Variants in UBE3B observed in about 807,000 individuals in gnomAD.
UBE3B encodes ubiquitin-protein ligase E3B.
Under a neutral mutation model 132.3 loss-of-function variants are expected in UBE3B, and 80 were observed. The ratio of observed to expected loss-of-function variants is 0.60; its 90% CI spans 0.50 to 0.73. The LOEUF (loss-of-function observed/expected upper bound fraction) is 0.73, where lower values mean the gene tolerates loss of function less well. Ranked by LOEUF, UBE3B falls within the 30% of genes least tolerant of loss-of-function variation. UBE3B has a pLI of 0.00. For missense variants in UBE3B, 1,196 were observed against 1,362.5 expected (o/e 0.88, Z 1.92); for synonymous variants, 487 against 520.4 (o/e 0.94, Z 0.87).
chr12:109,479,665 G>A (rs996837963), intron 1 of UBE3B, among the ~76,000 whole-genome samples: 7 of 152,088 alleles, frequency 4.6e-5, no homozygotes, highest in African/African-American at 9.7e-5. Context: ...AGGTGGAGAA[G>A]GTATATAGGA....
intron 26 of UBE3B, among the ~76,000 whole-genome samples, chr12:109,532,907 G>A (rs531687391): frequency 3.9e-5 from 6 of 152,372 alleles, no homozygotes; most frequent in African/African-American, 1.4e-4. Flanking sequence ...CAGGCCCAGG[G>A]CTCAGGTGAC....
At position 109,529,996 on chromosome 12, in the gene UBE3B, A is replaced by G; in HGVS notation, c.2734A>G (p.Ile912Val). ...GFRSIIKPEW[I>V]RMFSTPELQR... ...CCGTTCCATTATCAAACCCGAGTGG[A>G]TCCGAATGTTCTCAACTCCTGAACT... is the stretch of plus-strand genomic sequence containing the variant. The change falls in exon 25 of 28, where the codon ATC becomes GTC. Residue 912 changes from isoleucine (I) to valine (V), a missense_variant. Physicochemically the swap from Ile to Val is conservative, Grantham distance 29 (BLOSUM62 3). Transcript: ENST00000342494. 1 of 1,614,034 alleles carries G rather than the reference A, an allele frequency of 6.2e-7. No individual in the cohort carries two copies. Among genetic ancestry groups the G allele is most frequent in the Non-Finnish European group, 8.5e-7 (1 of 1,180,012 alleles).
chr12:109,534,660 C>T lies in UBE3B; in HGVS notation c.3085C>T (p.Arg1029Cys), dbSNP rs750656809. ...FTIRKREPGG[R>C]LPTSSTCFNL... Reference sequence around the variant, plus strand: ...CATCCGCAAGCGGGAGCCAGGCGGCCGCCTGCCCACCTCCTCCACCTGCTT... The same window carrying T: ...CATCCGCAAGCGGGAGCCAGGCGGCTGCCTGCCCACCTCCTCCACCTGCTT... The change falls in exon 28 of 28, where the codon CGC becomes TGC. Residue 1029 changes from arginine to cysteine, a missense_variant. Coordinates refer to ENST00000342494, the MANE Select transcript of UBE3B (RefSeq NM_130466.4). The surrounding 1 kb of genome is among the most constrained non-coding windows in gnomAD (Gnocchi z 5.2). 6.8e-6 allele frequency: 11 copies of T among 1,611,674 alleles called. No individual in the cohort carries two copies. Among genetic ancestry groups the T allele is most frequent in the Admixed American group, 3.4e-5 (2 of 59,588 alleles).
intron 14 of UBE3B, among the ~76,000 whole-genome samples, chr12:109,504,491 G>A (rs1022658550): frequency 6.6e-6 from 1 of 152,198 alleles, no homozygotes; most frequent in African/African-American, 2.4e-5. Context: ...CAGGTTGTTG[G>A]CCCAACCACC....
At chr12:109,533,847 C>A in intron 27 of UBE3B, 1 of 1,176,654 alleles carries the variant, frequency 8.5e-7, no homozygotes, top group Non-Finnish European at 1.2e-6. Context: ...TGGCGTCTGG[C>A]CTCACCAGGG....
Position 109,534,507 on chromosome 12 carries a change from C to A in UBE3B, c.3016-84C>A. The A allele has an allele frequency of 6.6e-7, 1 of 1,522,542 alleles. No homozygotes were observed. The highest frequency in any genetic ancestry group is 8.8e-7 in the Non-Finnish European group (1 of 1,136,366). 94.3% of individuals were successfully genotyped at this position (1,522,542 alleles called of 1,614,324 possible). A position where few individuals can be genotyped will look rare whatever the true frequency, so the allele number is the denominator to read the frequency against. On this transcript the variant is annotated intron_variant, in intron 27 of 27. Coordinates refer to ENST00000342494, the MANE Select transcript of UBE3B (RefSeq NM_130466.4). The surrounding 1 kb of genome is among the most constrained non-coding windows in gnomAD (Gnocchi z 5.2). ...AGCATCCAGGGACTGGCCAGATCCC[C>A]TCCCTGGGCTCCCTGGCCTTGGCAT...
chr12:109,502,638 T>G (rs1056497784), intron 13 of UBE3B, among the ~76,000 whole-genome samples: 7 of 152,184 alleles, frequency 4.6e-5, no homozygotes, highest in African/African-American at 7.2e-5. Flanking sequence ...ACGCCTTACT[T>G]CCCTCTAAAG....
At chr12:109,515,982 A>AT (rs1230822448) in intron 18 of UBE3B, among the ~76,000 whole-genome samples, 1 of 152,030 alleles carries the variant, frequency 6.6e-6, no homozygotes, top group Non-Finnish European at 1.5e-5. Flanking sequence ...CTGTAGGGTC[A>AT]TTTTTAAATT....
chr12:109,517,299 A>C (rs1747861015), intron 19 of UBE3B, among the ~76,000 whole-genome samples: 1 of 152,160 alleles, frequency 6.6e-6, no homozygotes, highest in South Asian at 2.1e-4. Flanking sequence ...GAGGTGTTAC[A>C]TTTACTGAGT....
intron 23 of UBE3B, among the ~76,000 whole-genome samples, chr12:109,525,518 G>C (rs1417562406): frequency 6.6e-6 from 1 of 152,180 alleles, no homozygotes. Flanking sequence ...GTGGGACTGG[G>C]ATCAGTGTGT....
chr12:109,512,894 G>A (rs953317011), intron 18 of UBE3B, among the ~76,000 whole-genome samples: 4 of 152,234 alleles, frequency 2.6e-5, no homozygotes, highest in African/African-American at 9.6e-5. Context: ...AATAGAAAAT[G>A]CACAGCTTTG....
intron 1 of UBE3B, among the ~76,000 whole-genome samples, chr12:109,479,844 G>A (rs993014852): frequency 6.6e-6 from 1 of 152,202 alleles, no homozygotes; most frequent in Non-Finnish European, 1.5e-5. Context: ...ACAGTGCTTA[G>A]GTACAGTTTG....
chr12:109,515,182 G>T (rs6606730), intron 18 of UBE3B, among the ~76,000 whole-genome samples: 40,409 of 151,634 alleles, frequency 0.27, 6,066 homozygotes, highest in African/African-American at 0.41. Context: ...CAAAGTGCTG[G>T]GATTACAGGC....
chr12:109,483,630 A>G lies in UBE3B; in HGVS notation c.79A>G (p.Lys27Glu), dbSNP rs1302906037. ...GGCACGAGAAGAAAGGCTTGTGCAG[A>G]AGGAACGGGAGCGGGCAGCTGTTGT... Reference protein sequence around the residue: ...RQAREERLVQKERERAAVVIQ... With the variant: ...RQAREERLVQEERERAAVVIQ... The change falls in exon 3 of 28, where the codon AAG (lysine) becomes GAG (glutamate). Residue 27 changes from lysine to glutamate, a missense_variant. Transcript: ENST00000342494. 1.2e-6 allele frequency: 2 copies of G among 1,613,510 alleles called. No homozygotes were observed.
intron 14 of UBE3B, among the ~76,000 whole-genome samples, chr12:109,504,972 AT>A (rs376210471): frequency 6.0e-5 from 9 of 149,040 alleles, no homozygotes; most frequent in Admixed American, 6.7e-5. Context: ...TGCCCGGCTA[AT>A]TTTTTTTTTG....
chr12:109,517,151 C>T (rs569915425), intron 19 of UBE3B, among the ~76,000 whole-genome samples: 1 of 152,282 alleles, frequency 6.6e-6, no homozygotes, highest in East Asian at 1.9e-4. Flanking sequence ...TCCACCTCTT[C>T]ATGTCCCTTT....
At chr12:109,547,447 G>C in the UBE3B span, among the ~76,000 whole-genome samples, 1 of 152,226 alleles carries the variant, frequency 6.6e-6, no homozygotes, top group Non-Finnish European at 1.5e-5. This position sits in a 1 kb window ranked among gnomAD's most constrained non-coding sequence, Gnocchi z 4.1. Context: ...GCATGTGCGC[G>C]TACGCGCGCA....
chr12:109,533,875 C>T, intron 27 of UBE3B: 6 of 1,303,154 alleles, frequency 4.6e-6, no homozygotes, highest in Non-Finnish European at 6.1e-6. Context: ...TCTGAGGCAG[C>T]ATGGGAGAAA....
At position 109,528,529 on chromosome 12, in the gene UBE3B, G is replaced by A. The variant is rs1490737875; in HGVS notation, c.2628-1361G>A. 2.1e-5 allele frequency: 21 copies of A among 981,406 alleles called. No homozygotes were observed. In the Admixed American group the frequency reaches 2.5e-4, roughly 11 times the overall value. The allele number at this position is 981,406 out of a possible 1,614,324, so 60.8% of individuals were successfully genotyped here. A position where few individuals can be genotyped will look rare whatever the true frequency, so the allele number is the denominator to read the frequency against. On this transcript the variant is annotated intron_variant, in intron 24 of 27. Transcript: ENST00000342494. ...GATTTGGAATTGGTGAGAGTCATAC[G>A]TGGGCCGGGCTCAAGTTCTTTGCTA...
Sources: allele counts gnomAD v4.1 joint callset (sites outside exome capture counted in the v4.1 genomes callset), GRCh38; gene constraint gnomAD v4.1.1; non-coding constraint Gnocchi (gnomAD v3.1); transcripts MANE v1.5; gene names NCBI Gene and HGNC (gene_info 2026-07-23, HGNC 2026-07-21).